The following PDXDC1 variants were observed in gnomAD, a reference collection of about 807,000 sequenced individuals.
PDXDC1 encodes pyridoxal dependent decarboxylase domain containing 1, also known as pyridoxal-dependent decarboxylase domain-containing protein 1.
Under a neutral mutation model 100.1 loss-of-function variants are expected in PDXDC1, and 42 were observed. The observed-to-expected ratio is 0.42, with a 90% confidence interval of 0.33 to 0.54. The LOEUF (loss-of-function observed/expected upper bound fraction) is 0.54. PDXDC1 is among the 20% of genes least tolerant of loss of function. PDXDC1 has a pLI of 0.10. For synonymous variants in PDXDC1, 260 were observed against 371.7 expected, an observed-to-expected ratio of 0.70 and a Z score of 3.46; for missense variants, 636 against 979.2, an observed-to-expected ratio of 0.65 and a Z score of 4.68.
intron 8 of PDXDC1, among the ~76,000 whole-genome samples, chr16:15,013,981 A>T (rs1416613714): frequency 6.6e-6 from 1 of 152,190 alleles, no homozygotes; most frequent in Non-Finnish European, 1.5e-5. Flanking sequence ...CCAAGGCGGG[A>T]AGATCACCTG....
At chr16:15,085,499 G>C (rs1003989569) in intron 16 of PDXDC1, 20 of 998,038 alleles carry the variant, frequency 2.0e-5, no homozygotes, top group Non-Finnish European at 2.6e-5. Context: ...ATGTTTTTTT[G>C]CAGAGACAAG....
intron 16 of PDXDC1, among the ~76,000 whole-genome samples, chr16:15,058,644 T>G (rs1597845265): frequency 6.6e-6 from 1 of 152,178 alleles, no homozygotes; most frequent in African/African-American, 2.4e-5. Flanking sequence ...GGCGGATCAC[T>G]TGAGCCCAGG....
At position 15,112,490 on chromosome 16, in the gene PDXDC1, A is replaced by AT. The variant is rs1457212580; in HGVS notation, c.1400-26387dup. Among the ~76,000 whole-genome samples the AT allele has an allele frequency of 2.0e-5, 3 of 147,244 alleles. No homozygotes were observed. The Admixed American group carries it at 2.1e-4, about 10-fold the overall frequency. Reference sequence around the variant, plus strand: ...TGCCTCAGCCTCCCAAAGTGCTGGGATTACAGGCATGAGCCACCACACCTG... The same window carrying AT: ...TGCCTCAGCCTCCCAAAGTGCTGGGATTTACAGGCATGAGCCACCACACCTG... On this transcript the variant is annotated intron_variant, in intron 16 of 16. Coordinates refer to the PDXDC1 transcript ENST00000535621.
chr16:15,067,776 G>A (rs1286954597), intron 16 of PDXDC1, among the ~76,000 whole-genome samples: 1 of 152,064 alleles, frequency 6.6e-6, no homozygotes, highest in African/African-American at 2.4e-5. Context: ...GTTTGTTTAA[G>A]AGACAGGGTC....
intron 16 of PDXDC1, among the ~76,000 whole-genome samples, chr16:15,132,488 A>G (rs1039638466): frequency 6.7e-6 from 1 of 149,278 alleles, no homozygotes; most frequent in Non-Finnish European, 1.5e-5. Flanking sequence ...GTCCCTCCCC[A>G]CATCTGGGCC....
intron 16 of PDXDC1, among the ~76,000 whole-genome samples, chr16:15,128,699 C>T (rs1347954951): frequency 4.6e-5 from 7 of 152,102 alleles, no homozygotes; most frequent in African/African-American, 7.2e-5. Context: ...GCCTCAGTCA[C>T]GCCACAACCA....
Position 15,029,097 on chromosome 16 carries a change from C to T in PDXDC1, c.1293+131C>T, listed in dbSNP as rs375419014. ...GAGGAGCCGCCCTGCCAGTGCTGGGCCTGCTCTGGAGTTCTGTTCCCCATT... is the reference window on the plus strand; with the variant it reads ...GAGGAGCCGCCCTGCCAGTGCTGGGTCTGCTCTGGAGTTCTGTTCCCCATT... On this transcript the variant is annotated intron_variant, in intron 15 of 22. Transcript: ENST00000396410. 1.5e-3 allele frequency: 1,620 copies of T among 1,074,048 alleles called. 6 individuals are homozygous for T. Among genetic ancestry groups the T allele is most frequent in the South Asian group, 6.1e-3 (441 of 72,682 alleles). 66.5% of individuals were successfully genotyped at this position (1,074,048 alleles called of 1,614,324 possible). A position where few individuals can be genotyped will look rare whatever the true frequency, so the allele number is the denominator to read the frequency against.
chr16:15,119,429 T>A (rs1204758422), intron 16 of PDXDC1, among the ~76,000 whole-genome samples: 2 of 149,218 alleles, frequency 1.3e-5, no homozygotes, highest in African/African-American at 4.9e-5. Context: ...TTTTTTTTTT[T>A]TTGAGACAGA....
the PDXDC1 span, among the ~76,000 whole-genome samples, chr16:15,150,441 G>T: frequency 6.6e-6 from 1 of 151,432 alleles, no homozygotes; most frequent in Non-Finnish European, 1.5e-5. Flanking sequence ...GAGGCAAGCA[G>T]ATCACCTAAG....
intron 16 of PDXDC1, among the ~76,000 whole-genome samples, chr16:15,056,334 G>T (rs936953318): frequency 4.6e-5 from 7 of 152,266 alleles, no homozygotes; most frequent in African/African-American, 1.7e-4. Flanking sequence ...AGCCAAGAGA[G>T]CCTCCGGGCG....
chr16:14,976,170 C>T (rs1301247688), intron 1 of PDXDC1, among the ~76,000 whole-genome samples: 1 of 152,284 alleles, frequency 6.6e-6, no homozygotes, highest in Non-Finnish European at 1.5e-5. Context: ...GACATTCTGC[C>T]CTCCCTCAAA....
chr16:15,076,674 A>AG (rs772440570), intron 16 of PDXDC1: 5 of 1,488,460 alleles, frequency 3.4e-6, no homozygotes, highest in Non-Finnish European at 4.7e-6. Context: ...AGAAAAAAAA[A>AG]GAATAAAAGG....
chr16:15,039,937 TAAC>T, downstream of PDXDC1: 1 of 1,267,728 alleles, frequency 7.9e-7, no homozygotes, highest in Non-Finnish European at 1.1e-6. Flanking sequence ...TTTTTTTTTT[TAAC>T]CCCTTAACAA....
At chr16:15,012,832 A>G (rs2041434175) in intron 8 of PDXDC1, among the ~76,000 whole-genome samples, 1 of 151,772 alleles carries the variant, frequency 6.6e-6, no homozygotes, top group African/African-American at 2.4e-5. Flanking sequence ...AGCCTGGGTG[A>G]CAGAGCCAGA....
chr16:15,145,360 G>A, the PDXDC1 span, among the ~76,000 whole-genome samples: 3 of 152,246 alleles, frequency 2.0e-5, no homozygotes, highest in Non-Finnish European at 2.9e-5. Flanking sequence ...CAGTGGACGG[G>A]CTCACAACCC....
intron 16 of PDXDC1, chr16:15,133,575 G>A (rs1311811093): frequency 7.6e-6 from 8 of 1,054,776 alleles, no homozygotes; most frequent in South Asian, 5.3e-5. Flanking sequence ...AAACCCGGGG[G>A]CAGCACGGCT....
At chr16:15,050,310 T>A (rs1477459959) in intron 16 of PDXDC1, among the ~76,000 whole-genome samples, 1 of 152,240 alleles carries the variant, frequency 6.6e-6, no homozygotes, top group Non-Finnish European at 1.5e-5. Context: ...AACAAAATCT[T>A]CCTCAAATGT....
At chr16:15,060,836 C>G (rs2044683424) in intron 16 of PDXDC1, 1 of 152,256 alleles carries the variant, frequency 6.6e-6, no homozygotes. Flanking sequence ...CTGTTTCCAA[C>G]AAAGAAATTC....
At chr16:14,984,497 T>TATATATATATATATA (rs1221650484) in intron 1 of PDXDC1, among the ~76,000 whole-genome samples, 12 of 36,948 alleles carry the variant, frequency 3.2e-4, no homozygotes, top group East Asian at 1.6e-3. Flanking sequence ...ATATATATAT[T>TATATATATATATATA]TTTTTTTTTT....
Sources: allele counts gnomAD v4.1 joint callset (sites outside exome capture counted in the v4.1 genomes callset), GRCh38; gene constraint gnomAD v4.1.1; transcripts MANE v1.5; gene names NCBI Gene and HGNC (gene_info 2026-07-23, HGNC 2026-07-21).